CMTR1: variants seen among roughly 807,000 people sequenced by gnomAD.
CMTR1 encodes cap-specific mRNA (nucleoside-2'-O-)-methyltransferase 1.
In CMTR1, 39 loss-of-function variants were observed where a neutral mutation model predicts 107.0. The observed-to-expected ratio is 0.36, with a 90% confidence interval of 0.28 to 0.48. CMTR1 has a LOEUF of 0.48. Among genes scored for constraint, CMTR1 ranks in the 20% least tolerant of loss-of-function variants. The probability of loss-of-function intolerance (pLI) is 0.99; values close to 1 mark genes in which losing one functional copy is unlikely to be tolerated. For missense variants in CMTR1, 672 were observed against 1,064.9 expected (o/e 0.63, Z 5.14); for synonymous variants, 366 against 379.5 (o/e 0.96, Z 0.41).
chr6:37,460,926 G>A (rs1761390580), intron 10 of CMTR1, among the ~76,000 whole-genome samples: 1 of 152,118 alleles, frequency 6.6e-6, no homozygotes, highest in Non-Finnish European at 1.5e-5. Flanking sequence ...CACAAGGAGG[G>A]AGACCACTCT....
intron 8 of CMTR1, among the ~76,000 whole-genome samples, chr6:37,454,047 T>C (rs961156352): frequency 6.6e-6 from 1 of 152,210 alleles, no homozygotes; most frequent in African/African-American, 2.4e-5. Flanking sequence ...CTGCATCTCA[T>C]TTCTCTGAAC....
At chr6:37,451,936 C>A in intron 6 of CMTR1, 59 bp downstream of exon 6, 1 of 1,396,680 alleles carries the variant, frequency 7.2e-7, no homozygotes, top group Non-Finnish European at 1.0e-6. Context: ...ATTTGCTGGA[C>A]TTTTCCATTT....
At chr6:37,424,811 G>T in the CMTR1 span, among the ~76,000 whole-genome samples, 3 of 151,724 alleles carry the variant, frequency 2.0e-5, no homozygotes, top group Non-Finnish European at 4.4e-5. Context: ...TTTTCATATG[G>T]CATCAAGTTA....
At chr6:37,475,705 G>A in intron 19 of CMTR1, 1 of 527,904 alleles carries the variant, frequency 1.9e-6, no homozygotes, top group Non-Finnish European at 3.4e-6. Context: ...GGGTGACCTT[G>A]CGGGTAGAGG....
the CMTR1 span, among the ~76,000 whole-genome samples, chr6:37,426,337 C>G: frequency 6.6e-6 from 1 of 152,018 alleles, no homozygotes; most frequent in Non-Finnish European, 1.5e-5. Context: ...TTTTCTGTTT[C>G]TTTGTATGCC....
intron 4 of CMTR1, among the ~76,000 whole-genome samples, chr6:37,449,260 T>G (rs2113870930): frequency 6.7e-6 from 1 of 149,846 alleles, no homozygotes; most frequent in East Asian, 2.0e-4. Context: ...GCATCAGTAC[T>G]ATTTTATGTT....
intron 4 of CMTR1, among the ~76,000 whole-genome samples, chr6:37,449,313 G>GTTATGTTATGTTATC (rs775810629): frequency 6.6e-6 from 1 of 151,392 alleles, no homozygotes; most frequent in Non-Finnish European, 1.5e-5. Context: ...GTTATGTTAT[G>GTTATGTTATGTTATC]TTATTTTGTT....
chr6:37,462,185 C>T, intron 12 of CMTR1, 83 bp downstream of exon 12: 2 of 1,493,270 alleles, frequency 1.3e-6, no homozygotes, highest in African/African-American at 1.4e-5. Context: ...CTGGCATGAC[C>T]TCTTAAGCTA....
chr6:37,430,134 G>A (rs989552485), upstream of CMTR1, among the ~76,000 whole-genome samples: 3 of 152,134 alleles, frequency 2.0e-5, no homozygotes, highest in Non-Finnish European at 4.4e-5. Flanking sequence ...TACAAGTTGG[G>A]AGAAAACGAA....
At chr6:37,435,321 T>C (rs1771502689) in intron 1 of CMTR1, among the ~76,000 whole-genome samples, 1 of 152,178 alleles carries the variant, frequency 6.6e-6, no homozygotes. Context: ...GTACCAAGGC[T>C]TTATCCCCCA....
chr6:37,475,569 G>T, intron 19 of CMTR1, 157 bp downstream of exon 19: 1 of 658,856 alleles, frequency 1.5e-6, no homozygotes. Context: ...CCCAAAGTCA[G>T]GGTGAGAATT....
Position 37,433,347 on chromosome 6 carries a change from G to A in CMTR1, c.-37G>A. On this transcript the variant is annotated 5_prime_UTR_variant, in exon 1 of 24. Coordinates refer to ENST00000373451, the MANE Select transcript of CMTR1 (RefSeq NM_015050.3). ...ACAGTGTCGGCCTGACCCCCCCTCC[G>A]CTCCCCGGCAGCTCGCTCTCTCCCC... 6.5e-6 allele frequency: 1 copy of A among 152,808 alleles called. No individual in the cohort carries two copies. Among genetic ancestry groups the A allele is most frequent in the Non-Finnish European group, 1.5e-5 (1 of 68,412 alleles). The allele number at this position is 152,808 out of a possible 1,614,324, so 9.5% of individuals were successfully genotyped here.
intron 15 of CMTR1, 72 bp downstream of exon 15, chr6:37,471,976 T>A (rs2113891410): frequency 7.1e-7 from 1 of 1,399,314 alleles, no homozygotes. Flanking sequence ...TGACTCCCAA[T>A]CCTGTCACCT....
At chr6:37,459,140 A>G (rs1761353604) in intron 9 of CMTR1, among the ~76,000 whole-genome samples, 1 of 152,112 alleles carries the variant, frequency 6.6e-6, no homozygotes, top group Non-Finnish European at 1.5e-5. Context: ...ACAAATATAA[A>G]CCCAATGCCC....
upstream of CMTR1, among the ~76,000 whole-genome samples, chr6:37,429,685 A>G (rs1771337658): frequency 6.6e-6 from 1 of 152,254 alleles, no homozygotes; most frequent in Admixed American, 6.5e-5. Context: ...ACTTGTTACA[A>G]GAATATACTC....
chr6:37,467,422 A>G (rs1027181472), intron 13 of CMTR1, among the ~76,000 whole-genome samples: 8 of 152,180 alleles, frequency 5.3e-5, no homozygotes, highest in Admixed American at 3.3e-4. Context: ...ATGACCCATC[A>G]TATGCTCTAT....
rs570855938 is a variant in CMTR1, at chr6:37,434,311, T to C, written c.-7+934T>C. On this transcript the variant is annotated intron_variant, in intron 1 of 23. Transcript: ENST00000373451. ...AACTGAAACATGTGATCCAGGGTTT[T>C]ACGAGGTTGGGAGCATCAGTGACAC... Among the ~76,000 whole-genome samples, 5 of 152,272 alleles carry C rather than the reference T, an allele frequency of 3.3e-5. No homozygotes were observed. In the South Asian group the frequency reaches 1.0e-3, roughly 32 times the overall value.
chr6:37,462,983 G>A lies in CMTR1; in HGVS notation c.1480G>A (p.Asp494Asn). The change falls in exon 13 of 24, where the codon GAC becomes AAC. Residue 494 changes from aspartate to asparagine, a missense_variant. Asp to Asn is a conservative substitution (Grantham distance 23, BLOSUM62 1). Coordinates refer to ENST00000373451, the MANE Select transcript of CMTR1 (RefSeq NM_015050.3). ...GATCAAGGGAGACCATGAATTTACT[G>A]ACTACATGATACGGTCCAATGAGAG... ...EVIKGDHEFT[D>N]YMIRSNESHC... is the part of the protein sequence containing the mutation. 1 of 1,614,152 alleles carries A rather than the reference G, an allele frequency of 6.2e-7. No homozygotes were observed. The highest frequency in any genetic ancestry group is 8.5e-7 in the Non-Finnish European group (1 of 1,180,026).
chr6:37,459,791 T>A, intron 10 of CMTR1, 107 bp downstream of exon 10: 2 of 803,578 alleles, frequency 2.5e-6, no homozygotes, highest in Non-Finnish European at 4.4e-6. Flanking sequence ...AAGATGGTAT[T>A]TCACAGTTCA....
Sources: gnomAD v4.1 joint callset for allele counts (sites outside exome capture counted in the v4.1 genomes callset) on GRCh38, gnomAD v4.1.1 for gene constraint, MANE v1.5 for transcripts, NCBI Gene and HGNC (gene_info 2026-07-23, HGNC 2026-07-21) for gene names.